The following RNF38 variants were observed in gnomAD, a reference collection of about 807,000 sequenced individuals.
RNF38 encodes ring finger protein 38.
RNF38 carries 15 observed loss-of-function variants against 67.2 expected under a neutral mutation model. The ratio of observed to expected loss-of-function variants is 0.22; its 90% CI spans 0.15 to 0.34. RNF38 has a LOEUF of 0.34. Ranked by LOEUF, RNF38 falls within the 10% of genes least tolerant of loss-of-function variation. The pLI is 1.00. For synonymous variants in RNF38, 220 were observed against 218.8 expected (o/e 1.01, Z -0.05); for missense variants, 524 against 639.9 (o/e 0.82, Z 1.95).
intron 3 of RNF38, among the ~76,000 whole-genome samples, chr9:36,375,627 T>C (rs1247496822): frequency 6.6e-6 from 1 of 152,246 alleles, no homozygotes; most frequent in Non-Finnish European, 1.5e-5. Flanking sequence ...AACTACAAAA[T>C]GCATCTTCTA....
At chr9:36,449,250 G>A (rs1012930211) in intron 1 of RNF38, among the ~76,000 whole-genome samples, 5 of 152,016 alleles carry the variant, frequency 3.3e-5, no homozygotes, top group Admixed American at 6.6e-5. Context: ...GAGTAACACA[G>A]CAGGACCTCA....
upstream of RNF38, chr9:36,400,325 C>A (rs1042021389): frequency 8.0e-7 from 1 of 1,254,590 alleles, no homozygotes; most frequent in South Asian, 2.7e-5. Context: ...CATCATTTCA[C>A]CTGCGTCTCG....
chr9:36,458,491 C>T (rs955508583), intron 1 of RNF38, among the ~76,000 whole-genome samples: 1 of 152,222 alleles, frequency 6.6e-6, no homozygotes, highest in African/African-American at 2.4e-5. Context: ...GTAACACACA[C>T]CACAAGCGTC....
intron 1 of RNF38, among the ~76,000 whole-genome samples, chr9:36,455,764 A>G (rs1839576677): frequency 2.0e-5 from 3 of 151,670 alleles, no homozygotes; most frequent in African/African-American, 4.8e-5. Flanking sequence ...TCTCTACTAA[A>G]AGTACAAAAA....
chr9:36,462,677 A>ATT (rs34327659), intron 1 of RNF38, among the ~76,000 whole-genome samples: 2 of 144,216 alleles, frequency 1.4e-5, no homozygotes, highest in South Asian at 2.2e-4. Flanking sequence ...CAACTGATTG[A>ATT]TTTTTTTTTT....
intron 4 of RNF38, among the ~76,000 whole-genome samples, chr9:36,367,268 G>A (rs1835044889): frequency 6.6e-6 from 1 of 152,044 alleles, no homozygotes; most frequent in Admixed American, 6.6e-5. Flanking sequence ...GATGCTTTCA[G>A]GATACTTATT....
chr9:36,442,383 T>C (rs750171883), intron 1 of RNF38, among the ~76,000 whole-genome samples: 18 of 152,156 alleles, frequency 1.2e-4, no homozygotes, highest in Non-Finnish European at 2.5e-4. Context: ...TCCATCCACC[T>C]ACCCACTCAT....
intron 4 of RNF38, among the ~76,000 whole-genome samples, chr9:36,366,577 T>A (rs1013865669): frequency 1.3e-5 from 2 of 152,260 alleles, no homozygotes; most frequent in Non-Finnish European, 2.9e-5. Context: ...TCTATCAGTA[T>A]AATCAGTTTG....
chr9:36,455,741 T>C (rs948364308), intron 1 of RNF38, among the ~76,000 whole-genome samples: 13 of 150,774 alleles, frequency 8.6e-5, no homozygotes, highest in Non-Finnish European at 1.5e-5. Flanking sequence ...CTGGCCAAGA[T>C]GGTGAAACCC....
rs561114441 is a variant in RNF38 at position 36,341,391 on chromosome 9, G to A, written c.1485+934C>T. Among the ~76,000 whole-genome samples the A allele has an allele frequency of 2.6e-5, 4 of 152,116 alleles. No homozygotes were observed. The East Asian group carries it at 7.7e-4, about 29-fold the overall frequency. On this transcript the variant is annotated intron_variant, in intron 11 of 11. Transcript: ENST00000259605. ...TTTATCTTCCTCACCAAATAGTAAGGTTATCTAGTTTTATCCAAACCGGAA... is the reference window on the plus strand; with the variant it reads ...TTTATCTTCCTCACCAAATAGTAAGATTATCTAGTTTTATCCAAACCGGAA...
intron 4 of RNF38, among the ~76,000 whole-genome samples, chr9:36,362,131 T>C (rs1191138373): frequency 5.3e-5 from 8 of 151,918 alleles, no homozygotes; most frequent in African/African-American, 1.9e-4. Flanking sequence ...CTGAGGTGGG[T>C]GGATCGCCTG....
At chr9:36,365,660 T>C (rs533426628) in intron 4 of RNF38, among the ~76,000 whole-genome samples, 1 of 88,072 alleles carries the variant, frequency 1.1e-5, no homozygotes, top group East Asian at 3.1e-4. Flanking sequence ...TTAAGACTGA[T>C]AGTTTTTTTT....
chr9:36,394,085 G>T (rs1222183002), intron 1 of RNF38, among the ~76,000 whole-genome samples: 1 of 152,110 alleles, frequency 6.6e-6, no homozygotes, highest in African/African-American at 2.4e-5. Flanking sequence ...GACCAACCTG[G>T]CCAACATGAT....
At chr9:36,383,639 T>C (rs945640618) in intron 2 of RNF38, among the ~76,000 whole-genome samples, 1 of 152,198 alleles carries the variant, frequency 6.6e-6, no homozygotes, top group Non-Finnish European at 1.5e-5. Context: ...AATTTTGCAA[T>C]GAAATTCTGT....
intron 4 of RNF38, among the ~76,000 whole-genome samples, chr9:36,368,730 A>T (rs546180649): frequency 2.0e-4 from 31 of 152,230 alleles, no homozygotes; most frequent in African/African-American, 7.2e-4. Flanking sequence ...AATTGTCACT[A>T]TGTGTTATTG....
At chr9:36,374,848 T>C (rs1835668754) in intron 3 of RNF38, among the ~76,000 whole-genome samples, 1 of 152,156 alleles carries the variant, frequency 6.6e-6, no homozygotes, top group African/African-American at 2.4e-5. Context: ...TAACGTTAAT[T>C]ACACTTCCTT....
chr9:36,414,723 T>G (rs1015911608), intron 2 of RNF38, among the ~76,000 whole-genome samples: 4 of 152,140 alleles, frequency 2.6e-5, no homozygotes, highest in African/African-American at 4.8e-5. Context: ...GAACTCCTTT[T>G]AGCAGTTCCT....
At chr9:36,477,821 CAA>C (rs34504795) in intron 1 of RNF38, among the ~76,000 whole-genome samples, 5 of 110,402 alleles carry the variant, frequency 4.5e-5, no homozygotes, top group Admixed American at 1.0e-4. Context: ...GACTCTGTCT[CAA>C]AAAAAAAAAA....
At chr9:36,342,219 C>T (rs1311855795) in intron 11 of RNF38, 106 bp downstream of exon 11, 1 of 779,916 alleles carries the variant, frequency 1.3e-6, no homozygotes, top group Non-Finnish European at 2.2e-6. Context: ...AGCTGTGTTT[C>T]CATTTTGTCT....
Sources: allele counts gnomAD v4.1 joint callset (sites outside exome capture counted in the v4.1 genomes callset), GRCh38; gene constraint gnomAD v4.1.1; transcripts MANE v1.5; gene names NCBI Gene and HGNC (gene_info 2026-07-23, HGNC 2026-07-21).